NRP2: variants seen among roughly 807,000 people sequenced by gnomAD.
NRP2 encodes the protein neuropilin-2.
In NRP2, 52 loss-of-function variants were observed where a neutral mutation model predicts 110.4. That is an observed-to-expected ratio of 0.47 (90% confidence interval 0.38 to 0.59). The LOEUF (loss-of-function observed/expected upper bound fraction) is 0.59. NRP2 is among the 20% of genes least tolerant of loss of function. NRP2 has a pLI of 0.00. For synonymous variants in NRP2, 508 were observed against 468.9 expected (o/e 1.08, Z -1.08); for missense variants, 1,049 against 1,203.0 (o/e 0.87, Z 1.89).
chr2:205,735,678 A>G (rs1475901691), intron 7 of NRP2, among the ~76,000 whole-genome samples: 1 of 151,774 alleles, frequency 6.6e-6, no homozygotes, highest in African/African-American at 2.4e-5. Context: ...CAGGTCCCCC[A>G]CTCCCCTAGA....
At chr2:205,746,757 G>T (rs1051987573) in intron 10 of NRP2, among the ~76,000 whole-genome samples, 1 of 152,234 alleles carries the variant, frequency 6.6e-6, no homozygotes, top group African/African-American at 2.4e-5. Context: ...CCTGTCACGG[G>T]CTCAGCCGGC....
chr2:205,750,748 T>C (rs2057629389), intron 11 of NRP2, among the ~76,000 whole-genome samples: 1 of 152,092 alleles, frequency 6.6e-6, no homozygotes. Context: ...TGAGGGAAGA[T>C]TGGCAAAGAG....
chr2:205,739,891 G>A (rs2057410509), intron 7 of NRP2: 1 of 170,396 alleles, frequency 5.9e-6, no homozygotes, highest in Non-Finnish European at 1.3e-5. Flanking sequence ...ACAGTGAGAG[G>A]AAGCTGGAGC....
chr2:205,682,681 T>G lies in NRP2; in HGVS notation c.-610T>G, dbSNP rs2056039920. ...AGCAGCAGCAACAGCAGCAGCAGCT[T>G]CCTTCCTCAGACTCCCCTCGAGAGG... is the stretch of plus-strand genomic sequence containing the variant. On this transcript the variant is annotated 5_prime_UTR_variant, in exon 1 of 17. Transcript: ENST00000357785. The surrounding 1 kb of genome is among the most constrained non-coding windows in gnomAD (Gnocchi z 4.3). 2 of 167,008 alleles carry G rather than the reference T, an allele frequency of 1.2e-5. No individual in the cohort carries two copies. Among genetic ancestry groups the G allele is most frequent in the East Asian group, 1.8e-4 (1 of 5,604 alleles). The allele number at this position is 167,008 out of a possible 1,614,324, so 10.3% of individuals were successfully genotyped here.
intron 1 of NRP2, among the ~76,000 whole-genome samples, chr2:205,694,369 C>T (rs2056378330): frequency 6.6e-6 from 1 of 152,204 alleles, no homozygotes; most frequent in South Asian, 2.1e-4. Flanking sequence ...GGGCCTTTCT[C>T]AGACCTGACC....
At chr2:205,746,221 G>A (rs1354966133) in intron 10 of NRP2, among the ~76,000 whole-genome samples, 1 of 152,120 alleles carries the variant, frequency 6.6e-6, no homozygotes, top group Non-Finnish European at 1.5e-5. Flanking sequence ...GTTGATTTAG[G>A]GAAGAAAAAA....
intron 6 of NRP2, among the ~76,000 whole-genome samples, chr2:205,727,345 G>A (rs541232819): frequency 9.0e-4 from 137 of 152,310 alleles, no homozygotes; most frequent in Middle Eastern, 6.8e-3. Flanking sequence ...GTCAGGACTC[G>A]GTGCATAAGC....
intron 12 of NRP2, among the ~76,000 whole-genome samples, chr2:205,761,247 T>C (rs1026215226): frequency 1.3e-5 from 2 of 152,208 alleles, no homozygotes; most frequent in African/African-American, 4.8e-5. Flanking sequence ...CATTCATCCA[T>C]TCATTCATAG....
intron 4 of NRP2, 110 bp downstream of exon 4, chr2:205,722,818 A>G (rs1474499045): frequency 3.5e-6 from 3 of 856,710 alleles, no homozygotes; most frequent in Admixed American, 4.0e-5. Context: ...GAGTTCTTAT[A>G]TGACCCATGG....
chr2:205,765,590 T>C lies in NRP2; in HGVS notation c.2404+20T>C. 1 of 1,591,986 alleles carries C rather than the reference T, an allele frequency of 6.3e-7. No individual in the cohort carries two copies. The highest frequency in any genetic ancestry group is 2.2e-5 in the East Asian group (1 of 44,756). Reference sequence around the variant, plus strand: ...GCATGGGTATGTGAATATCTGTCTCTTCATGGTTCTTTCAAATAAGACCCC... The same window carrying C: ...GCATGGGTATGTGAATATCTGTCTCCTCATGGTTCTTTCAAATAAGACCCC... On this transcript the variant is annotated intron_variant, in intron 14 of 16. Transcript: ENST00000357785.
chr2:205,792,414 A>G, intron 16 of NRP2, 129 bp downstream of exon 16: 2 of 698,832 alleles, frequency 2.9e-6, no homozygotes, highest in Non-Finnish European at 5.1e-6. Flanking sequence ...ATATAAAAGA[A>G]TCTGGAGAAA....
At chr2:205,765,771 G>A in intron 14 of NRP2, 1 of 715,870 alleles carries the variant, frequency 1.4e-6, no homozygotes, top group Non-Finnish European at 2.6e-6. Flanking sequence ...TAAGGGGACG[G>A]CTTATATCCC....
intron 9 of NRP2, among the ~76,000 whole-genome samples, chr2:205,745,073 C>T (rs1451871646): frequency 1.3e-5 from 2 of 152,210 alleles, no homozygotes; most frequent in Admixed American, 6.5e-5. Context: ...GGATGAGTGT[C>T]TCCAAGTGTA....
chr2:205,775,485 CCT>C (rs1298150532), intron 15 of NRP2, among the ~76,000 whole-genome samples: 1 of 152,140 alleles, frequency 6.6e-6, no homozygotes, highest in Non-Finnish European at 1.5e-5. Flanking sequence ...TCTCACATAC[CCT>C]CTGTCATTTT....
chr2:205,790,534 C>T (rs2058287715), intron 15 of NRP2, among the ~76,000 whole-genome samples: 1 of 152,138 alleles, frequency 6.6e-6, no homozygotes, highest in Admixed American at 6.5e-5. Context: ...TCATCCTAGG[C>T]TGATTCACAT....
intron 1 of NRP2, among the ~76,000 whole-genome samples, chr2:205,691,097 C>T (rs889164413): frequency 2.0e-5 from 3 of 152,112 alleles, no homozygotes; most frequent in African/African-American, 2.4e-5. Context: ...GGTTAATTCA[C>T]CAAATCTTGA....
intron 9 of NRP2, among the ~76,000 whole-genome samples, chr2:205,744,245 A>G (rs1339585169): frequency 6.6e-6 from 1 of 152,196 alleles, no homozygotes; most frequent in Non-Finnish European, 1.5e-5. Context: ...ATAAAGTTCA[A>G]CACTCTTTAT....
Position 205,736,517 on chromosome 2 carries a change from C to T in NRP2, c.1147-4002C>T, listed in dbSNP as rs530580680. On this transcript the variant is annotated intron_variant, in intron 7 of 16. Coordinates refer to ENST00000357785, the MANE Select transcript of NRP2 (RefSeq NM_003872.3). The stretch of plus-strand genomic sequence containing the variant: ...GAAAATTGTTGGCCTGAAGGTGGGA[C>T]TTGGGAGTAGTCGTGGCTTTTGGAA... Among the ~76,000 whole-genome samples the T allele has an allele frequency of 1.4e-4, 21 of 152,284 alleles. 1 individual carries two copies. In the East Asian group the frequency reaches 4.0e-3, roughly 29 times the overall value.
intron 15 of NRP2, among the ~76,000 whole-genome samples, chr2:205,780,472 A>G (rs2058161653): frequency 6.6e-6 from 1 of 152,136 alleles, no homozygotes. Flanking sequence ...ATCAGAAGGG[A>G]ACTGGGTTGG....
Sources: gnomAD v4.1 joint callset for allele counts (sites outside exome capture counted in the v4.1 genomes callset) on GRCh38, gnomAD v4.1.1 for gene constraint, Gnocchi (gnomAD v3.1) non-coding constraint, MANE v1.5 for transcripts, NCBI Gene and HGNC (gene_info 2026-07-23, HGNC 2026-07-21) for gene names.